Variants in USP26 observed in about 807,000 individuals in gnomAD.
USP26 encodes the protein ubiquitin carboxyl-terminal hydrolase 26.
For missense variants in USP26, 649 were observed against 642.3 expected (o/e 1.01, Z -0.11); for synonymous variants, 236 against 240.6 (o/e 0.98, Z 0.18).
chrX:133,077,093 A>C (rs1401026393), intron 5 of USP26, among the ~76,000 whole-genome samples: 1 of 112,061 alleles, frequency 8.9e-6, no homozygotes, highest in Non-Finnish European at 1.9e-5. Context: ...TTAACAAACG[A>C]ATACACAAGC....
At chrX:133,038,110 C>T (rs749671307) in intron 5 of USP26, among the ~76,000 whole-genome samples, 3 of 111,638 alleles carry the variant, frequency 2.7e-5, no homozygotes, top group African/African-American at 9.8e-5. Flanking sequence ...TGTCTGCAAA[C>T]AGAGACAATT....
chrX:133,030,410 T>G (rs2213423), intron 5 of USP26, among the ~76,000 whole-genome samples: 3,843 of 112,124 alleles, frequency 0.034, 99 homozygotes, highest in East Asian at 0.1. Context: ...GATCTTCGTG[T>G]TCACTGAGAC....
chrX:133,037,686 A>T (rs1433739959), intron 5 of USP26, among the ~76,000 whole-genome samples: 1 of 112,256 alleles, frequency 8.9e-6, no homozygotes, highest in African/African-American at 3.2e-5. Context: ...ATGAAGTTTA[A>T]GGAAGTTTTT....
chrX:133,041,641 G>T (rs776879857), intron 5 of USP26, among the ~76,000 whole-genome samples: 1 of 112,395 alleles, frequency 8.9e-6, no homozygotes, highest in East Asian at 2.8e-4. Context: ...ACCCCTGTTG[G>T]GAAGTCTCTC....
intron 5 of USP26, among the ~76,000 whole-genome samples, chrX:133,041,154 G>A: frequency 9.0e-6 from 1 of 110,886 alleles, no homozygotes; most frequent in Non-Finnish European, 1.9e-5. Context: ...TGAGCTCAGA[G>A]GGGTTTGTTA....
intron 4 of USP26, among the ~76,000 whole-genome samples, chrX:133,088,782 T>C (rs1329194941): frequency 1.8e-5 from 2 of 112,005 alleles, no homozygotes; most frequent in Non-Finnish European, 3.8e-5. Context: ...AAGATGACTG[T>C]GAAGAGCAGT....
chrX:133,059,648 C>G (rs2067488400), intron 5 of USP26, among the ~76,000 whole-genome samples: 1 of 109,713 alleles, frequency 9.1e-6, no homozygotes, highest in South Asian at 4.1e-4. Context: ...ACAAAACAGT[C>G]TATTAAATTA....
chrX:133,082,451 G>A (rs780316717), intron 5 of USP26, among the ~76,000 whole-genome samples: 36 of 111,913 alleles, frequency 3.2e-4, no homozygotes, highest in African/African-American at 1.1e-3. Flanking sequence ...GCGGTTTTCA[G>A]TAGTTTTTTC....
intron 1 of USP26, among the ~76,000 whole-genome samples, chrX:133,095,748 CTATT>C (rs1020251017): frequency 9.0e-6 from 1 of 111,176 alleles, no homozygotes; most frequent in Non-Finnish European, 1.9e-5. Context: ...CTACATCTGG[CTATT>C]TATTTATTTT....
intron 5 of USP26, among the ~76,000 whole-genome samples, chrX:133,053,257 G>T (rs762477733): frequency 8.9e-6 from 1 of 111,862 alleles, no homozygotes; most frequent in Non-Finnish European, 1.9e-5. Context: ...AAGTACAGAG[G>T]GCTGGCGTGG....
chrX:133,088,414 C>T (rs1253559904), intron 4 of USP26, among the ~76,000 whole-genome samples: 2 of 111,334 alleles, frequency 1.8e-5, no homozygotes, highest in East Asian at 2.8e-4. Context: ...GGTTCATGCT[C>T]CTATGAAAAT....
intron 5 of USP26, among the ~76,000 whole-genome samples, chrX:133,031,827 A>G (rs772466341): frequency 8.9e-6 from 1 of 112,110 alleles, no homozygotes; most frequent in African/African-American, 3.2e-5. Flanking sequence ...GGAGAACACC[A>G]GATGGTGGCA....
chrX:133,082,749 C>G (rs980640539), intron 5 of USP26, among the ~76,000 whole-genome samples: 2 of 111,584 alleles, frequency 1.8e-5, no homozygotes, highest in East Asian at 2.8e-4. Flanking sequence ...GAGCTGGACT[C>G]TCAGTGACCA....
chrX:133,036,571 T>G (rs763674938), intron 5 of USP26, among the ~76,000 whole-genome samples: 124 of 112,218 alleles, frequency 1.1e-3, no homozygotes, highest in Non-Finnish European at 1.7e-3. Context: ...CTTTATTCAT[T>G]CAGTCATCGA....
Position 133,048,547 on chromosome X carries a change from C to CTT in USP26, c.-76-20252_-76-20251insAA, listed in dbSNP as rs1342336731. 3.1e-5 allele frequency among the ~76,000 whole-genome samples: 3 copies of CTT among 95,376 alleles called. No homozygotes were observed. The South Asian group carries it at 1.5e-3, about 48-fold the overall frequency. The allele number at this position is 95,376 out of a possible 115,157, so 82.8% of individuals were successfully genotyped here. A position where few individuals can be genotyped will look rare whatever the true frequency, so the allele number is the denominator to read the frequency against. On this transcript the variant is annotated intron_variant, in intron 5 of 5. Coordinates refer to ENST00000511190, the MANE Select transcript of USP26 (RefSeq NM_031907.3). ...AGCCAACAACATAGTGGAACAGTTG[C>CTT]ATTTTTTTTTTTTTTTTGAGACAGA...
In USP26 at chrX:133,027,408, C is replaced by T; in HGVS notation, c.813G>A (p.Gly271=). Residue 271 remains glycine, a synonymous_variant, in exon 6 of 6, where the codon GGG becomes GGA. Transcript: ENST00000511190. ...KMVLVFLLQQ[G]YSDGYTKWDK... ...CCCACTTTGTGTAACCGTCACTATA[C>T]CCTTGTTGTAACAGAAATACCAAAA... 1.7e-6 allele frequency: 2 copies of T among 1,211,159 alleles called. No homozygotes were observed. Among genetic ancestry groups the T allele is most frequent in the Non-Finnish European group, 1.1e-6 (1 of 895,168 alleles).
At chrX:133,077,578 T>C (rs2067553915) in intron 5 of USP26, among the ~76,000 whole-genome samples, 1 of 111,958 alleles carries the variant, frequency 8.9e-6, no homozygotes, top group Admixed American at 9.5e-5. Context: ...GTTTTGCTTC[T>C]AGTGTTGCAC....
chrX:133,071,339 G>T (rs930793929), intron 5 of USP26, among the ~76,000 whole-genome samples: 1 of 110,871 alleles, frequency 9.0e-6, no homozygotes, highest in African/African-American at 3.3e-5. Context: ...GCAGCCTAGG[G>T]ACAAGTTTAC....
At chrX:133,045,746 CA>C (rs2067437240) in intron 5 of USP26, 1 of 112,263 alleles carries the variant, frequency 8.9e-6, no homozygotes, top group African/African-American at 3.3e-5. Flanking sequence ...TCAGCAGGAA[CA>C]AAATCCAGAC....
Sources: allele counts gnomAD v4.1 joint callset (sites outside exome capture counted in the v4.1 genomes callset), GRCh38; gene constraint gnomAD v4.1.1; transcripts MANE v1.5; gene names NCBI Gene and HGNC (gene_info 2026-07-23, HGNC 2026-07-21).